Variants in NDST3 observed in about 807,000 individuals in gnomAD.
The protein encoded by NDST3 is N-deacetylase and N-sulfotransferase 3.
NDST3 carries 58 observed loss-of-function variants against 96.1 expected under a neutral mutation model. The ratio of observed to expected loss-of-function variants is 0.60; its 90% confidence interval spans 0.49 to 0.75. The LOEUF (loss-of-function observed/expected upper bound fraction) is 0.75, where lower values mean the gene tolerates loss of function less well. NDST3 is among the 30% of genes least tolerant of loss of function. The probability of loss-of-function intolerance (pLI) is 0.00; values close to 1 mark genes in which losing one functional copy is unlikely to be tolerated. For missense variants in NDST3, 788 were observed against 1,034.2 expected, an observed-to-expected ratio of 0.76 and a Z score of 3.27; for synonymous variants, 333 against 359.7, an observed-to-expected ratio of 0.93 and a Z score of 0.84.
chr4:118,110,502 T>A (rs4240316), intron 3 of NDST3, among the ~76,000 whole-genome samples: 114,552 of 152,068 alleles, frequency 0.75, 45,790 homozygotes, highest in South Asian at 0.92. Flanking sequence ...TTTTGAGAAT[T>A]AAGTGAAATG....
At chr4:118,135,090 A>G (rs535130443) in intron 4 of NDST3, among the ~76,000 whole-genome samples, 7 of 152,200 alleles carry the variant, frequency 4.6e-5, no homozygotes, top group Admixed American at 4.6e-4. Flanking sequence ...TTTCTATACA[A>G]TAACGTTTCA....
chr4:118,220,084 G>A (rs1383188426), intron 6 of NDST3, among the ~76,000 whole-genome samples: 2 of 152,016 alleles, frequency 1.3e-5, no homozygotes, highest in Admixed American at 1.3e-4. Flanking sequence ...TCTAGAACCA[G>A]AAATACCAAT....
rs80244166 is a variant in NDST3 at position 118,046,004 on chromosome 4, A to G, written c.-155-7752A>G. Among the ~76,000 whole-genome samples the G allele has an allele frequency of 2.0e-3, 308 of 151,952 alleles. 14 individuals are homozygous for G. The East Asian group carries it at 0.047, about 23-fold the overall frequency. The stretch of plus-strand genomic sequence containing the variant: ...CAACTAGATGCAGCAAAGAAGTGCT[A>G]CTCCCACGGAGAAAAACCAAGGGTT... On this transcript the variant is annotated intron_variant, in intron 1 of 13. Transcript: ENST00000296499.
At chr4:118,227,914 T>C (rs1740011368) in intron 8 of NDST3, among the ~76,000 whole-genome samples, 1 of 152,170 alleles carries the variant, frequency 6.6e-6, no homozygotes, top group South Asian at 2.1e-4. Flanking sequence ...ACCCGGTCTA[T>C]AAACTTCTTG....
chr4:118,171,850 T>A (rs1480714814), intron 6 of NDST3, among the ~76,000 whole-genome samples: 1 of 152,148 alleles, frequency 6.6e-6, no homozygotes, highest in Non-Finnish European at 1.5e-5. Flanking sequence ...TAAGTAGGGC[T>A]TGTTGGTAAA....
intron 2 of NDST3, among the ~76,000 whole-genome samples, chr4:118,066,165 ATTATATTTTATATATTATATATC>A (rs1726345266): frequency 1.5e-4 from 4 of 26,488 alleles, no homozygotes; most frequent in Non-Finnish European, 1.8e-4. Context: ...TATATTATAT[ATTATATTTTATATATTATATATC>A]TTATATATTA....
At chr4:118,193,468 T>C in intron 6 of NDST3, 1 of 755,588 alleles carries the variant, frequency 1.3e-6, no homozygotes. Flanking sequence ...CCTCCATCTC[T>C]GTGTCAGTGA....
At chr4:118,180,457 T>C (rs1736539457) in intron 6 of NDST3, among the ~76,000 whole-genome samples, 1 of 152,186 alleles carries the variant, frequency 6.6e-6, no homozygotes, top group Non-Finnish European at 1.5e-5. Flanking sequence ...CATGGCTGTG[T>C]AATATTCTGT....
intron 1 of NDST3, among the ~76,000 whole-genome samples, chr4:118,048,433 A>T (rs533810516): frequency 6.6e-6 from 1 of 152,314 alleles, no homozygotes; most frequent in East Asian, 1.9e-4. Flanking sequence ...ACAGAGTGGC[A>T]AGCTAGATAA....
At chr4:118,171,670 T>C (rs1735961034) in intron 6 of NDST3, among the ~76,000 whole-genome samples, 1 of 152,182 alleles carries the variant, frequency 6.6e-6, no homozygotes, top group Non-Finnish European at 1.5e-5. Context: ...TATTTGCCCC[T>C]GATGTTTTGG....
intron 2 of NDST3, among the ~76,000 whole-genome samples, chr4:118,071,435 C>T (rs1727065466): frequency 6.6e-6 from 1 of 152,072 alleles, no homozygotes; most frequent in Non-Finnish European, 1.5e-5. Context: ...CAAGTAGGTG[C>T]TGTTGTCTAT....
chr4:118,120,813 T>A (rs1373711102), intron 4 of NDST3, among the ~76,000 whole-genome samples: 1 of 152,170 alleles, frequency 6.6e-6, no homozygotes, highest in East Asian at 1.9e-4. Context: ...CGTTCTTATA[T>A]CCCCCAATCT....
chr4:118,050,918 T>A (rs562154555), intron 1 of NDST3, among the ~76,000 whole-genome samples: 2 of 152,218 alleles, frequency 1.3e-5, no homozygotes, highest in Admixed American at 1.3e-4. Flanking sequence ...GCCAAAGCAA[T>A]TCTAAGCAAA....
chr4:118,071,287 G>C (rs971834318), intron 2 of NDST3, among the ~76,000 whole-genome samples: 1 of 151,888 alleles, frequency 6.6e-6, no homozygotes, highest in East Asian at 1.9e-4. Flanking sequence ...CAGCTTCAAG[G>C]GTACATGTGC....
chr4:118,166,632 T>C (rs562363910), intron 6 of NDST3, among the ~76,000 whole-genome samples: 13 of 152,036 alleles, frequency 8.6e-5, no homozygotes, highest in South Asian at 8.3e-4. Flanking sequence ...TTGATGAACA[T>C]AGATACAAAA....
At chr4:118,130,608 A>G (rs1331910189) in intron 4 of NDST3, among the ~76,000 whole-genome samples, 1 of 152,136 alleles carries the variant, frequency 6.6e-6, no homozygotes, top group African/African-American at 2.4e-5. Flanking sequence ...CACCACCATT[A>G]CAATGTTATC....
intron 1 of NDST3, among the ~76,000 whole-genome samples, chr4:118,052,822 G>A (rs1186571945): frequency 1.3e-5 from 2 of 151,974 alleles, no homozygotes; most frequent in Non-Finnish European, 2.9e-5. Flanking sequence ...AAGCACTCAT[G>A]TTTCTTTCTT....
intron 6 of NDST3, among the ~76,000 whole-genome samples, chr4:118,184,529 A>G (rs34872062): frequency 1.5e-3 from 221 of 151,064 alleles, no homozygotes; most frequent in Non-Finnish European, 2.8e-3. Flanking sequence ...TCACAAGCCA[A>G]TTCCTCAAAA....
At chr4:118,074,889 C>T (rs1205815862) in intron 2 of NDST3, among the ~76,000 whole-genome samples, 1 of 151,998 alleles carries the variant, frequency 6.6e-6, no homozygotes, top group Non-Finnish European at 1.5e-5. Flanking sequence ...ATATTTAGCA[C>T]TCCTTTAAGG....
Sources: gnomAD v4.1 joint callset for allele counts (sites outside exome capture counted in the v4.1 genomes callset) on GRCh38, gnomAD v4.1.1 for gene constraint, MANE v1.5 for transcripts, NCBI Gene and HGNC (gene_info 2026-07-23, HGNC 2026-07-21) for gene names.